The following ZNF600 variants were observed in gnomAD, a reference collection of about 807,000 sequenced individuals.
The protein encoded by ZNF600 is zinc finger protein KR-ZNF1.
In ZNF600, 4 loss-of-function variants were observed where a neutral mutation model predicts 7.3. That is an observed-to-expected ratio of 0.55 (90% CI 0.27 to 1.25). ZNF600 has a LOEUF of 1.25. Among genes scored for constraint, ZNF600 ranks in the 50% most tolerant of loss-of-function variants. The pLI, the probability that ZNF600 is intolerant of heterozygous loss-of-function variation, is 0.12. For missense variants in ZNF600, 911 were observed against 922.1 expected, an observed-to-expected ratio of 0.99 and a Z score of 0.16; for synonymous variants, 290 against 308.9, an observed-to-expected ratio of 0.94 and a Z score of 0.64.
At chr19:52,822,074 CTTTTTT>C in the ZNF600 span, among the ~76,000 whole-genome samples, 3 of 78,696 alleles carry the variant, frequency 3.8e-5, no homozygotes, top group Non-Finnish European at 7.4e-5. Context: ...TTCTTTTTCC[CTTTTTT>C]TTTTTTTTTT....
At chr19:52,824,740 T>G in the ZNF600 span, among the ~76,000 whole-genome samples, 1 of 152,078 alleles carries the variant, frequency 6.6e-6, no homozygotes, top group Non-Finnish European at 1.5e-5. Flanking sequence ...CTCACTGAAG[T>G]CAGACACCAA....
At chr19:52,811,706 G>A in the ZNF600 span, among the ~76,000 whole-genome samples, 3 of 148,242 alleles carry the variant, frequency 2.0e-5, no homozygotes, top group African/African-American at 7.7e-5. Context: ...CAACCACCCC[G>A]TCTGGGAAGT....
upstream of ZNF600, among the ~76,000 whole-genome samples, chr19:52,788,680 G>A (rs1256812017): frequency 6.6e-6 from 1 of 152,114 alleles, no homozygotes; most frequent in Non-Finnish European, 1.5e-5. Flanking sequence ...CACAGATCTG[G>A]CCCTAACCAA....
the ZNF600 span, among the ~76,000 whole-genome samples, chr19:52,793,981 C>T: frequency 4.6e-5 from 7 of 152,110 alleles, no homozygotes; most frequent in African/African-American, 1.4e-4. Context: ...TCATCTGAGA[C>T]GTGTAGGACT....
At chr19:52,777,896 C>G (rs979421568) in intron 2 of ZNF600, among the ~76,000 whole-genome samples, 2 of 152,146 alleles carry the variant, frequency 1.3e-5, no homozygotes, top group East Asian at 3.9e-4. Context: ...GCCTATCACT[C>G]AGGCTCTTTG....
At chr19:52,778,017 T>C (rs1035394841) in intron 2 of ZNF600, among the ~76,000 whole-genome samples, 54 of 150,140 alleles carry the variant, frequency 3.6e-4, no homozygotes, top group African/African-American at 1.3e-3. Flanking sequence ...TCTCCCTCTC[T>C]CTCTCTTTTC....
At chr19:52,828,136 C>T in the ZNF600 span, among the ~76,000 whole-genome samples, 2 of 152,006 alleles carry the variant, frequency 1.3e-5, no homozygotes, top group African/African-American at 4.8e-5. Flanking sequence ...AATGCAACCT[C>T]CGCCTCCTGA....
the ZNF600 span, among the ~76,000 whole-genome samples, chr19:52,796,031 C>T: frequency 7.2e-5 from 11 of 152,078 alleles, no homozygotes; most frequent in African/African-American, 1.4e-4. Context: ...AAAAATTTGC[C>T]GGGTGCAATG....
the ZNF600 span, chr19:52,800,811 T>A: frequency 6.2e-7 from 1 of 1,614,140 alleles, no homozygotes; most frequent in Non-Finnish European, 8.5e-7. Flanking sequence ...AATTATAGTA[T>A]GTTTTGCTAG....
intron 3 of ZNF600, among the ~76,000 whole-genome samples, chr19:52,768,659 C>A (rs1404827172): frequency 6.6e-6 from 1 of 151,920 alleles, no homozygotes; most frequent in South Asian, 2.1e-4. Flanking sequence ...GATCCTCCTG[C>A]CTCATCCTCC....
the ZNF600 span, chr19:52,797,958 TAAA>T: frequency 6.6e-6 from 1 of 152,024 alleles, no homozygotes; most frequent in East Asian, 1.9e-4. Flanking sequence ...CAGTCTCTAC[TAAA>T]AATACAAAAA....
the ZNF600 span, among the ~76,000 whole-genome samples, chr19:52,802,876 T>C: frequency 6.7e-6 from 1 of 149,584 alleles, no homozygotes; most frequent in African/African-American, 2.5e-5. Context: ...TTCTCCTGCC[T>C]CAGCCTCCCC....
chr19:52,802,210 A>C, the ZNF600 span, among the ~76,000 whole-genome samples: 14 of 152,196 alleles, frequency 9.2e-5, no homozygotes, highest in Admixed American at 2.6e-4. Flanking sequence ...ATAACAAAAG[A>C]TTATAAAAAT....
the ZNF600 span, among the ~76,000 whole-genome samples, chr19:52,793,602 A>G: frequency 1.3e-5 from 2 of 152,114 alleles, no homozygotes; most frequent in Admixed American, 6.5e-5. Context: ...AGGACTTCAA[A>G]CATTTTTCTC....
chr19:52,765,664 C>A lies in ZNF600; in HGVS notation c.2299G>T (p.Glu767Ter), dbSNP rs376398334. The change falls in exon 4 of 4, where the codon GAG (glutamate) becomes TAG (stop). Residue 767 changes from glutamate (E) to a stop codon, truncating the protein, a stop_gained. Transcript: ENST00000648973. LOFTEE classifies it low-confidence loss of function (END_TRUNC). ...TGCTTGCTAAAGGCTTTGCCACACTCATTACACTTGTAAGGTTTCTCTCCA... is the reference window on the plus strand; with the variant it reads ...TGCTTGCTAAAGGCTTTGCCACACTAATTACACTTGTAAGGTTTCTCTCCA... 1.1e-5 allele frequency: 17 copies of A among 1,614,036 alleles called. No individual in the cohort carries two copies. In the South Asian group the frequency reaches 1.8e-4, roughly 17 times the overall value.
Position 52,778,821 on chromosome 19 carries a change from T to G in ZNF600, c.63+5A>C. The G allele has an allele frequency of 6.2e-7, 1 of 1,606,284 alleles. No homozygotes were observed. The highest frequency in any genetic ancestry group is 8.5e-7 in the Non-Finnish European group (1 of 1,178,362). On this transcript the variant is annotated splice_donor_5th_base_variant and intron_variant, in intron 2 of 3. Transcript: ENST00000648973. ...AGATTAATCCACAGAGGAATATCAC[T>G]TCACCTGAGGAAGAGCCATGCCTGG...
the ZNF600 span, among the ~76,000 whole-genome samples, chr19:52,830,283 C>A: frequency 6.6e-6 from 1 of 151,984 alleles, no homozygotes; most frequent in African/African-American, 2.4e-5. Context: ...AAAAAACAAA[C>A]AAACAAAAAA....
chr19:52,816,099 G>T, the ZNF600 span, among the ~76,000 whole-genome samples: 1 of 147,606 alleles, frequency 6.8e-6, no homozygotes, highest in Non-Finnish European at 1.5e-5. Context: ...GCTGGAAGGA[G>T]GGTGGAGGAT....
At chr19:52,771,179 GCTC>G (rs2062627481) in intron 3 of ZNF600, among the ~76,000 whole-genome samples, 1 of 152,064 alleles carries the variant, frequency 6.6e-6, no homozygotes, top group African/African-American at 2.4e-5. Flanking sequence ...CTCATTGCCT[GCTC>G]CTCTTTCCCC....
Sources: gnomAD v4.1 joint callset for allele counts (sites outside exome capture counted in the v4.1 genomes callset) on GRCh38, gnomAD v4.1.1 for gene constraint, MANE v1.5 for transcripts, NCBI Gene and HGNC (gene_info 2026-07-23, HGNC 2026-07-21) for gene names.